POT1: variants seen among roughly 807,000 people sequenced by gnomAD.
The protein encoded by POT1 is protection of telomeres protein 1.
Under a neutral mutation model 78.5 loss-of-function variants are expected in POT1, and 47 were observed. That is an observed-to-expected ratio of 0.60 (90% CI 0.47 to 0.76). The LOEUF is 0.76. Among genes scored for constraint, POT1 ranks in the 30% least tolerant of loss-of-function variants. POT1 has a pLI of 0.00. For missense variants in POT1, 646 were observed against 749.9 expected (o/e 0.86, Z 1.62); for synonymous variants, 259 against 260.7 (o/e 0.99, Z 0.06).
At chr7:124,831,922 C>T (rs1175407425) in intron 15 of POT1, among the ~76,000 whole-genome samples, 6 of 149,810 alleles carry the variant, frequency 4.0e-5, no homozygotes, top group Admixed American at 4.0e-4. Flanking sequence ...AAAGTAGCTA[C>T]CTCTGAGAAA....
chr7:124,843,022 C>T (rs921266725), intron 12 of POT1, 59 bp from the exon 13 acceptor site: 3 of 1,173,464 alleles, frequency 2.6e-6, no homozygotes, highest in African/African-American at 3.2e-5. Flanking sequence ...GACATGCATC[C>T]TCCTGAACCA....
chr7:124,922,950 A>C (rs1287583162), intron 2 of POT1, among the ~76,000 whole-genome samples: 1 of 151,952 alleles, frequency 6.6e-6, no homozygotes, highest in Non-Finnish European at 1.5e-5. Flanking sequence ...CCACACTACC[A>C]CAGGCACCCA....
intron 12 of POT1, among the ~76,000 whole-genome samples, chr7:124,844,987 T>C (rs1475116975): frequency 6.6e-6 from 1 of 152,190 alleles, no homozygotes; most frequent in African/African-American, 2.4e-5. Context: ...TCTTTATCTG[T>C]CTCTCACCAC....
chr7:124,890,264 T>C (rs1796338470), intron 6 of POT1, among the ~76,000 whole-genome samples: 1 of 151,930 alleles, frequency 6.6e-6, no homozygotes. Flanking sequence ...CCTGAAATTG[T>C]GACTGAATTG....
intron 4 of POT1, among the ~76,000 whole-genome samples, chr7:124,897,808 G>A (rs1796528873): frequency 6.6e-6 from 1 of 151,872 alleles, no homozygotes; most frequent in Admixed American, 6.6e-5. Flanking sequence ...TAATAGCCTT[G>A]ACTAAAAAGG....
At chr7:124,923,139 C>T (rs1365065521) in intron 2 of POT1, among the ~76,000 whole-genome samples, 1 of 150,568 alleles carries the variant, frequency 6.6e-6, no homozygotes, top group East Asian at 1.9e-4. Flanking sequence ...ACCAAAAGAC[C>T]ACAACAATTA....
chr7:124,835,822 A>G (rs1304312492), intron 14 of POT1, among the ~76,000 whole-genome samples: 1 of 152,178 alleles, frequency 6.6e-6, no homozygotes, highest in Non-Finnish European at 1.5e-5. Context: ...TCAGGTCAAT[A>G]TTTCATTTAA....
chr7:124,883,118 C>T (rs1796160627), intron 6 of POT1, among the ~76,000 whole-genome samples: 2 of 152,060 alleles, frequency 1.3e-5, no homozygotes, highest in South Asian at 4.1e-4. Flanking sequence ...GAAGAGTCTC[C>T]CCTCACTCAC....
chr7:124,832,146 C>G (rs1239691198), intron 15 of POT1, among the ~76,000 whole-genome samples: 1 of 148,092 alleles, frequency 6.8e-6, no homozygotes, highest in Non-Finnish European at 1.5e-5. Flanking sequence ...GTAGTCCCAG[C>G]TAGTTGGGAG....
intron 6 of POT1, among the ~76,000 whole-genome samples, chr7:124,883,864 A>ATAATTT (rs1273046433): frequency 1.3e-5 from 2 of 151,832 alleles, no homozygotes; most frequent in African/African-American, 4.8e-5. Context: ...ATTTTACATC[A>ATAATTT]TACTAGATTC....
chr7:124,854,666 A>T (rs1042363972), intron 9 of POT1, among the ~76,000 whole-genome samples: 14 of 151,904 alleles, frequency 9.2e-5, no homozygotes, highest in Non-Finnish European at 1.6e-4. Context: ...CTTTCCTTTG[A>T]CCTCTTTCAC....
intron 3 of POT1, among the ~76,000 whole-genome samples, chr7:124,905,961 T>C: frequency 6.6e-6 from 1 of 152,142 alleles, no homozygotes. Flanking sequence ...CCAGTTAGAA[T>C]GGCAATCATT....
At chr7:124,860,335 T>C (rs1211667448) in intron 8 of POT1, among the ~76,000 whole-genome samples, 1 of 152,146 alleles carries the variant, frequency 6.6e-6, no homozygotes, top group Non-Finnish European at 1.5e-5. Flanking sequence ...GGTTACAAAG[T>C]ATTTTATGGT....
At chr7:124,838,898 C>G (rs183982243) in intron 14 of POT1, among the ~76,000 whole-genome samples, 3 of 152,088 alleles carry the variant, frequency 2.0e-5, no homozygotes, top group Non-Finnish European at 4.4e-5. Flanking sequence ...AGCCACTGCG[C>G]CCAGCTGGCA....
intron 12 of POT1, 59 bp downstream of exon 12, chr7:124,846,883 G>A (rs1163025241): frequency 8.3e-7 from 1 of 1,209,938 alleles, no homozygotes; most frequent in Non-Finnish European, 1.2e-6. Context: ...GGTAAGTGTA[G>A]AGGCAGACTT....
intron 12 of POT1, among the ~76,000 whole-genome samples, chr7:124,844,504 AG>A (rs1357657726): frequency 6.7e-6 from 1 of 149,444 alleles, no homozygotes; most frequent in African/African-American, 2.4e-5. Flanking sequence ...TGGGAGGCCG[AG>A]GCGGGTAGAT....
intron 3 of POT1, among the ~76,000 whole-genome samples, chr7:124,904,393 A>C (rs1470671752): frequency 1.3e-5 from 2 of 152,158 alleles, no homozygotes; most frequent in Admixed American, 1.3e-4. Context: ...AAAGACAAAA[A>C]CCACATGATT....
chr7:124,873,544 T>C (rs1156385404), intron 6 of POT1, among the ~76,000 whole-genome samples: 1 of 152,164 alleles, frequency 6.6e-6, no homozygotes, highest in Non-Finnish European at 1.5e-5. Flanking sequence ...GGCCTGTAGT[T>C]TTTTTGCTTG....
intron 2 of POT1, among the ~76,000 whole-genome samples, chr7:124,926,600 G>T (rs898292568): frequency 6.6e-6 from 1 of 151,942 alleles, no homozygotes; most frequent in South Asian, 2.1e-4. Context: ...CAAAGGAAAA[G>T]AAATCATTAA....
Sources: allele counts gnomAD v4.1 joint callset (sites outside exome capture counted in the v4.1 genomes callset), GRCh38; gene constraint gnomAD v4.1.1; transcripts MANE v1.5; gene names NCBI Gene and HGNC (gene_info 2026-07-23, HGNC 2026-07-21).